PIP4K2A: variants seen among roughly 807,000 people sequenced by gnomAD.
PIP4K2A encodes phosphatidylinositol-5-phosphate 4-kinase type 2 alpha, also known as phosphatidylinositol 5-phosphate 4-kinase type-2 alpha.
In PIP4K2A, 14 loss-of-function variants were observed where a neutral mutation model predicts 42.9. That is an observed-to-expected ratio of 0.33 (90% CI 0.22 to 0.51). The LOEUF (loss-of-function observed/expected upper bound fraction) is 0.51, where lower values mean the gene tolerates loss of function less well. PIP4K2A is among the 20% of genes least tolerant of loss of function. The pLI is 0.97. For synonymous variants in PIP4K2A, 192 were observed against 192.2 expected (o/e 1.00, Z 0.01); for missense variants, 434 against 519.8 (o/e 0.83, Z 1.61).
intron 1 of PIP4K2A, among the ~76,000 whole-genome samples, chr10:22,630,303 C>T (rs1838522629): frequency 6.6e-6 from 1 of 152,124 alleles, no homozygotes; most frequent in African/African-American, 2.4e-5. Flanking sequence ...CCATTTCCTC[C>T]ACCTAATTTC....
chr10:22,619,432 CTTTT>C (rs1348138056), intron 1 of PIP4K2A, among the ~76,000 whole-genome samples: 2 of 130,776 alleles, frequency 1.5e-5, no homozygotes, highest in South Asian at 2.2e-4. Context: ...TTTTCTTTTT[CTTTT>C]TTCTTTTTTT....
At chr10:22,560,736 G>A (rs1206149706) in intron 6 of PIP4K2A, among the ~76,000 whole-genome samples, 1 of 152,170 alleles carries the variant, frequency 6.6e-6, no homozygotes, top group Non-Finnish European at 1.5e-5. Flanking sequence ...TGACCCTATG[G>A]CTCCATTACA....
chr10:22,603,098 A>G (rs1837829025), intron 3 of PIP4K2A, among the ~76,000 whole-genome samples: 1 of 152,234 alleles, frequency 6.6e-6, no homozygotes, highest in South Asian at 2.1e-4. Context: ...TTGAAATAAG[A>G]ATATCAAAAG....
At chr10:22,622,353 C>A (rs1838349869) in intron 1 of PIP4K2A, among the ~76,000 whole-genome samples, 1 of 152,184 alleles carries the variant, frequency 6.6e-6, no homozygotes. Context: ...ATGAGAGGCA[C>A]AGGACTGATT....
intron 2 of PIP4K2A, among the ~76,000 whole-genome samples, chr10:22,609,144 G>A (rs981815386): frequency 2.6e-5 from 4 of 152,184 alleles, no homozygotes; most frequent in Non-Finnish European, 5.9e-5. Context: ...CATATAATAG[G>A]TGCTTCATAA....
chr10:22,698,657 A>T (rs2130912415), intron 1 of PIP4K2A, among the ~76,000 whole-genome samples: 1 of 152,302 alleles, frequency 6.6e-6, no homozygotes, highest in East Asian at 1.9e-4. Context: ...TTTTGCACCA[A>T]CCTAATTATT....
intron 1 of PIP4K2A, among the ~76,000 whole-genome samples, chr10:22,681,825 C>T (rs1327733460): frequency 2.0e-5 from 3 of 152,142 alleles, no homozygotes; most frequent in Non-Finnish European, 2.9e-5. Flanking sequence ...GTAAATAATT[C>T]TAGGCTCTGC....
intron 1 of PIP4K2A, among the ~76,000 whole-genome samples, chr10:22,617,800 T>A (rs1210253516): frequency 6.6e-6 from 1 of 152,132 alleles, no homozygotes; most frequent in African/African-American, 2.4e-5. Context: ...TTGGGAATTA[T>A]CTTGAAAGGC....
At chr10:22,593,766 G>A (rs1837564458) in intron 3 of PIP4K2A, among the ~76,000 whole-genome samples, 1 of 152,194 alleles carries the variant, frequency 6.6e-6, no homozygotes, top group Admixed American at 6.5e-5. Flanking sequence ...ATCAAAGTGG[G>A]AACAATCAAG....
At chr10:22,695,871 C>T (rs769631539) in intron 1 of PIP4K2A, among the ~76,000 whole-genome samples, 3 of 152,106 alleles carry the variant, frequency 2.0e-5, no homozygotes, top group South Asian at 2.1e-4. Context: ...ATTTTCGACC[C>T]GTGGTTGGTT....
intron 3 of PIP4K2A, among the ~76,000 whole-genome samples, chr10:22,607,582 C>T (rs185020743): frequency 6.6e-6 from 1 of 152,208 alleles, no homozygotes; most frequent in Non-Finnish European, 1.5e-5. Context: ...CACACTCACA[C>T]AGGCTACTGA....
chr10:22,676,057 T>G (rs1392656093), intron 1 of PIP4K2A, among the ~76,000 whole-genome samples: 1 of 152,064 alleles, frequency 6.6e-6, no homozygotes. Context: ...TTTTTGTCTT[T>G]TCTTTCCTGT....
At chr10:22,571,695 G>A (rs1007087147) in intron 5 of PIP4K2A, among the ~76,000 whole-genome samples, 1 of 152,194 alleles carries the variant, frequency 6.6e-6, no homozygotes, top group African/African-American at 2.4e-5. Flanking sequence ...CTCTTGTCAA[G>A]CTTTGGTGTA....
chr10:22,596,235 CG>C (rs1837633038), intron 3 of PIP4K2A, among the ~76,000 whole-genome samples: 1 of 119,978 alleles, frequency 8.3e-6, no homozygotes, highest in Non-Finnish European at 1.9e-5. Context: ...AGGATTTACT[CG>C]AAGACTCGAC....
chr10:22,577,893 C>T (rs1278096227), intron 4 of PIP4K2A, among the ~76,000 whole-genome samples: 3 of 152,194 alleles, frequency 2.0e-5, no homozygotes, highest in Non-Finnish European at 4.4e-5. Context: ...CCGCCTGGAT[C>T]CTGGCTTGAA....
chr10:22,557,419 A>G (rs1836580582), intron 6 of PIP4K2A, among the ~76,000 whole-genome samples: 1 of 152,186 alleles, frequency 6.6e-6, no homozygotes, highest in African/African-American at 2.4e-5. Flanking sequence ...TAAAACCAAA[A>G]CCAAAACAAT....
chr10:22,583,296 C>T lies in PIP4K2A; in HGVS notation c.492+8333G>A, dbSNP rs141067322. Among the ~76,000 whole-genome samples the T allele has an allele frequency of 9.7e-4, 147 of 152,302 alleles. 1 individual carries two copies. Among genetic ancestry groups the T allele is most frequent in the Admixed American group, 2.2e-3 (34 of 15,286 alleles). ...CCCAAGGCCTCCTGGAAAGCCCCATCCCAGATAGAAAGCTTAGCTGGTATA... is the reference window on the plus strand; with the variant it reads ...CCCAAGGCCTCCTGGAAAGCCCCATTCCAGATAGAAAGCTTAGCTGGTATA... On this transcript the variant is annotated intron_variant, in intron 4 of 9. Transcript: ENST00000376573.
At chr10:22,627,587 G>GT (rs1838467377) in intron 1 of PIP4K2A, among the ~76,000 whole-genome samples, 1 of 28,902 alleles carries the variant, frequency 3.5e-5, no homozygotes, top group African/African-American at 1.8e-4. Flanking sequence ...AAGCTAATAT[G>GT]TAATAAAAAA....
chr10:22,620,406 A>C (rs546728239), intron 1 of PIP4K2A, among the ~76,000 whole-genome samples: 107 of 152,360 alleles, frequency 7.0e-4, no homozygotes, highest in Middle Eastern at 3.4e-3. Flanking sequence ...CCCCAGGCTC[A>C]GGGAGTCAGG....
Sources: gnomAD v4.1 joint callset for allele counts (sites outside exome capture counted in the v4.1 genomes callset) on GRCh38, gnomAD v4.1.1 for gene constraint, MANE v1.5 for transcripts, NCBI Gene and HGNC (gene_info 2026-07-23, HGNC 2026-07-21) for gene names.